The following C1orf87 variants were observed in gnomAD, a reference collection of about 807,000 sequenced individuals.
C1orf87 encodes uncharacterized protein C1orf87.
Under a neutral mutation model 60.5 loss-of-function variants are expected in C1orf87, and 58 were observed. The ratio of observed to expected loss-of-function variants is 0.96; its 90% confidence interval spans 0.78 to 1.19. C1orf87 has a LOEUF of 1.19. Ranked by LOEUF, C1orf87 falls within the 50% of genes most tolerant of loss-of-function variation. The pLI, the probability that C1orf87 is intolerant of heterozygous loss-of-function variation, is 0.00. For missense variants in C1orf87, 673 were observed against 638.6 expected (o/e 1.05, Z -0.58); for synonymous variants, 236 against 227.4 (o/e 1.04, Z -0.34).
chr1:60,055,738 G>T (rs1645450058), intron 2 of C1orf87, among the ~76,000 whole-genome samples: 2 of 152,022 alleles, frequency 1.3e-5, no homozygotes. Context: ...GAACCCTAAA[G>T]GTTATCACAT....
chr1:60,029,086 C>G (rs188603364), intron 7 of C1orf87, among the ~76,000 whole-genome samples: 5 of 152,336 alleles, frequency 3.3e-5, no homozygotes, highest in African/African-American at 4.8e-5. Context: ...ATCACTCCTT[C>G]CTCTACCCCT....
At chr1:60,051,930 C>A (rs1186722978) in intron 3 of C1orf87, among the ~76,000 whole-genome samples, 1 of 152,190 alleles carries the variant, frequency 6.6e-6, no homozygotes, top group Non-Finnish European at 1.5e-5. Flanking sequence ...TGAGACCATT[C>A]TGTGAGACAC....
intron 3 of C1orf87, 61 bp downstream of exon 3, chr1:60,055,143 T>C: frequency 7.1e-7 from 1 of 1,400,064 alleles, no homozygotes; most frequent in Non-Finnish European, 1.0e-6. Flanking sequence ...TGAACCTATG[T>C]TTTTATCTAT....
intron 8 of C1orf87, among the ~76,000 whole-genome samples, chr1:60,018,053 G>A (rs1645136064): frequency 6.6e-6 from 1 of 152,178 alleles, no homozygotes; most frequent in Non-Finnish European, 1.5e-5. Context: ...AAGCAGCTCA[G>A]CACTAGAATC....
intron 7 of C1orf87, among the ~76,000 whole-genome samples, chr1:60,026,700 A>T (rs74414241): frequency 1.8e-4 from 28 of 152,348 alleles, no homozygotes; most frequent in African/African-American, 6.7e-4. Context: ...AAATGAATAT[A>T]TAAGTAAATA....
chr1:60,055,566 A>T (rs550104466), intron 2 of C1orf87, 128 bp from the exon 3 acceptor site: 1 of 712,764 alleles, frequency 1.4e-6, no homozygotes, highest in Admixed American at 2.7e-5. Context: ...ATGTGGAAGC[A>T]TAAACATTGG....
At position 60,040,025 on chromosome 1, in the gene C1orf87, A is replaced by G. The variant is rs778958774; in HGVS notation, c.639T>C (p.Leu213=). 4 of 1,614,206 alleles carry G rather than the reference A, an allele frequency of 2.5e-6. No individual in the cohort carries two copies. The highest frequency in any genetic ancestry group is 3.4e-6 in the Non-Finnish European group (4 of 1,180,042). ...KILDPISSGF[L]LQSQLSRLFL... ...AGAGGCGGCTCAGCTGAGATTGGAG[A>G]AGAAATCCTGAAGAGATTGGGTCCA... The change falls in exon 5 of 12, where the codon CTT becomes CTC. Residue 213 remains leucine, a synonymous_variant. Coordinates refer to ENST00000371201, the MANE Select transcript of C1orf87 (RefSeq NM_152377.3).
At chr1:60,026,780 C>T (rs1574308002) in intron 7 of C1orf87, among the ~76,000 whole-genome samples, 1 of 152,068 alleles carries the variant, frequency 6.6e-6, no homozygotes, top group South Asian at 2.1e-4. Flanking sequence ...TCCAAAAATC[C>T]AAAATCTGAA....
chr1:59,995,014 A>G (rs1644953783), intron 11 of C1orf87, among the ~76,000 whole-genome samples: 1 of 152,208 alleles, frequency 6.6e-6, no homozygotes, highest in Non-Finnish European at 1.5e-5. Context: ...TGAGGAACTA[A>G]TGAATTTCAT....
At chr1:60,069,749 G>A (rs555429041) in intron 2 of C1orf87, among the ~76,000 whole-genome samples, 41 of 152,180 alleles carry the variant, frequency 2.7e-4, no homozygotes, top group African/African-American at 8.7e-4. Context: ...TGGGAGTCTG[G>A]TTGTTATGGG....
At chr1:60,049,517 G>A (rs1181023212) in intron 3 of C1orf87, among the ~76,000 whole-genome samples, 2 of 152,070 alleles carry the variant, frequency 1.3e-5, no homozygotes. Context: ...AGTGATGCAA[G>A]TTGCAGATTT....
chr1:60,031,180 C>T (rs1034660962), intron 7 of C1orf87, among the ~76,000 whole-genome samples: 32 of 152,142 alleles, frequency 2.1e-4, no homozygotes, highest in Admixed American at 1.1e-3. Flanking sequence ...TCTGAAGTCC[C>T]GTGTTCAGGA....
intron 8 of C1orf87, among the ~76,000 whole-genome samples, chr1:60,023,197 G>A (rs1048155436): frequency 6.6e-6 from 1 of 152,046 alleles, no homozygotes; most frequent in Admixed American, 6.6e-5. Flanking sequence ...TGTGTCTGAA[G>A]TTCATTGAGC....
chr1:60,020,203 C>T (rs911450433), intron 8 of C1orf87, among the ~76,000 whole-genome samples: 2 of 152,114 alleles, frequency 1.3e-5, no homozygotes, highest in Non-Finnish European at 2.9e-5. Flanking sequence ...CTCTGTGCAG[C>T]CTCAAGACAT....
chr1:60,028,523 C>T (rs566207126), intron 7 of C1orf87, among the ~76,000 whole-genome samples: 8 of 152,064 alleles, frequency 5.3e-5, no homozygotes, highest in Non-Finnish European at 1.0e-4. Flanking sequence ...GTAGTTTATT[C>T]TGTTTAATAA....
At chr1:60,002,664 T>C (rs1393154894) in intron 9 of C1orf87, among the ~76,000 whole-genome samples, 4 of 152,118 alleles carry the variant, frequency 2.6e-5, no homozygotes, top group East Asian at 1.9e-4. Context: ...ATTTTGTCTT[T>C]TGTTGCCATT....
At chr1:60,052,966 GC>G (rs1645425195) in intron 3 of C1orf87, among the ~76,000 whole-genome samples, 1 of 152,182 alleles carries the variant, frequency 6.6e-6, no homozygotes, top group Non-Finnish European at 1.5e-5. Context: ...CAGAGTGTTA[GC>G]CCCCGCTGAG....
intron 2 of C1orf87, among the ~76,000 whole-genome samples, chr1:60,059,033 T>C (rs1645476276): frequency 6.6e-6 from 1 of 152,144 alleles, no homozygotes; most frequent in Admixed American, 6.6e-5. Flanking sequence ...TCCCTGTAGA[T>C]GTAAAACCAA....
At chr1:60,069,483 A>T (rs1003292794) in intron 2 of C1orf87, among the ~76,000 whole-genome samples, 4 of 140,666 alleles carry the variant, frequency 2.8e-5, no homozygotes, top group African/African-American at 1.0e-4. Flanking sequence ...TAGGAGGAAG[A>T]TGATGATGGC....
Sources: gnomAD v4.1 joint callset for allele counts (sites outside exome capture counted in the v4.1 genomes callset) on GRCh38, gnomAD v4.1.1 for gene constraint, MANE v1.5 for transcripts, NCBI Gene and HGNC (gene_info 2026-07-23, HGNC 2026-07-21) for gene names.